Variants in FMN1 observed in about 807,000 individuals in gnomAD.
FMN1 encodes the protein formin 1.
FMN1 carries 110 observed loss-of-function variants against 132.4 expected under a neutral mutation model. The observed-to-expected ratio is 0.83, with a 90% CI of 0.71 to 0.97. The LOEUF (loss-of-function observed/expected upper bound fraction) is 0.97. Ranked by LOEUF, FMN1 falls within the 50% of genes least tolerant of loss-of-function variation. The pLI is 0.00. For missense variants in FMN1, 1,792 were observed against 1,705.3 expected, an observed-to-expected ratio of 1.05 and a Z score of -0.90; for synonymous variants, 722 against 651.7, an observed-to-expected ratio of 1.11 and a Z score of -1.64.
intron 7 of FMN1, among the ~76,000 whole-genome samples, chr15:32,983,358 A>G (rs1195760693): frequency 1.3e-5 from 2 of 152,242 alleles, no homozygotes; most frequent in East Asian, 3.8e-4. Context: ...GCCTGAGATC[A>G]GAAGAGGGGT....
In FMN1 at chr15:33,034,892, C is replaced by T. The variant is rs112556467; in HGVS notation, c.2162-26817G>A. Among the ~76,000 whole-genome samples, 1,460 of 152,246 alleles carry T rather than the reference C, an allele frequency of 9.6e-3. 25 individuals carry two copies. The highest frequency in any genetic ancestry group is 0.032 in the African/African-American group (1,322 of 41,538). Reference sequence around the variant, plus strand: ...AGGAAGATCACATCATGCCTCTGCTCAACATTCTCTAACAGCTCCCCATTT... The same window carrying T: ...AGGAAGATCACATCATGCCTCTGCTTAACATTCTCTAACAGCTCCCCATTT... On this transcript the variant is annotated intron_variant, in intron 6 of 20. Transcript: ENST00000616417.
chr15:33,019,251 T>C (rs1024320820), intron 6 of FMN1, among the ~76,000 whole-genome samples: 21 of 152,336 alleles, frequency 1.4e-4, no homozygotes, highest in East Asian at 1.9e-4. Flanking sequence ...ATTAGCTAGA[T>C]ACAGAGTGTC....
At chr15:32,994,228 TCTCTCACA>T (rs879500066) in intron 7 of FMN1, among the ~76,000 whole-genome samples, 420 of 33,794 alleles carry the variant, frequency 0.012, 2 homozygotes, top group Non-Finnish European at 0.03. Context: ...TCTCTCTCTC[TCTCTCACA>T]CACACACACA....
rs1250769412 is a variant in FMN1 at position 33,075,089 on chromosome 15, T to C, written c.2044-10015A>G. ...CTGGGCTCACACCATGCTCCACTCC[T>C]ACAAGAGACTTACCCTGGGGCAAGT... On this transcript the variant is annotated intron_variant, in intron 5 of 20. Coordinates refer to ENST00000616417, the MANE Select transcript of FMN1 (RefSeq NM_001277313.2). Among the ~76,000 whole-genome samples, 4 of 140,660 alleles carry C rather than the reference T, an allele frequency of 2.8e-5. No homozygotes were observed. The Admixed American group carries it at 2.9e-4, about 10-fold the overall frequency. The allele number at this position is 140,660 out of a possible 152,430, so 92.3% of individuals were successfully genotyped here.
chr15:32,989,361 GGGAATTA>G (rs1356242792), intron 7 of FMN1, among the ~76,000 whole-genome samples: 2 of 152,208 alleles, frequency 1.3e-5, no homozygotes, highest in African/African-American at 4.8e-5. Flanking sequence ...GGAAGCCTTA[GGGAATTA>G]GAGATGGTTT....
chr15:32,841,286 G>A (rs1013858437), intron 17 of FMN1, among the ~76,000 whole-genome samples: 3 of 152,148 alleles, frequency 2.0e-5, no homozygotes, highest in African/African-American at 4.8e-5. Context: ...TATGTAGTGT[G>A]TCCCTGGAGA....
At chr15:33,125,573 C>G (rs564419927) in intron 4 of FMN1, among the ~76,000 whole-genome samples, 2 of 152,166 alleles carry the variant, frequency 1.3e-5, no homozygotes, top group African/African-American at 4.8e-5. Flanking sequence ...GGCATGGTGT[C>G]TCACACCTGT....
At chr15:33,092,631 G>A (rs556378005) in intron 4 of FMN1, among the ~76,000 whole-genome samples, 4 of 152,282 alleles carry the variant, frequency 2.6e-5, no homozygotes, top group South Asian at 2.1e-4. Context: ...GCCAAGCTCA[G>A]TCAAACCCAG....
chr15:33,044,747 C>T (rs568122273), intron 6 of FMN1, among the ~76,000 whole-genome samples: 1 of 152,324 alleles, frequency 6.6e-6, no homozygotes, highest in East Asian at 1.9e-4. Context: ...CAAGGGTCTT[C>T]TCTCTGCTGA....
intron 7 of FMN1, among the ~76,000 whole-genome samples, chr15:32,996,561 G>A (rs1012098129): frequency 2.0e-5 from 3 of 152,114 alleles, no homozygotes; most frequent in Non-Finnish European, 4.4e-5. Context: ...GGGTAAGAGG[G>A]CCACCTCATA....
At chr15:33,110,370 A>G (rs775551714) in intron 4 of FMN1, among the ~76,000 whole-genome samples, 31 of 152,226 alleles carry the variant, frequency 2.0e-4, no homozygotes, top group Non-Finnish European at 3.8e-4. Flanking sequence ...TTATGTATCA[A>G]GTTCAGGAAA....
chr15:32,914,919 A>T (rs1005370057), intron 10 of FMN1, among the ~76,000 whole-genome samples: 1 of 152,240 alleles, frequency 6.6e-6, no homozygotes, highest in Non-Finnish European at 1.5e-5. Context: ...AGAGGAAAGG[A>T]CAGGTAAAAG....
chr15:32,878,818 T>C (rs2059696795), intron 16 of FMN1, among the ~76,000 whole-genome samples: 1 of 152,192 alleles, frequency 6.6e-6, no homozygotes, highest in African/African-American at 2.4e-5. Flanking sequence ...ATATTTTATG[T>C]TTCTTGTCAA....
chr15:32,955,554 G>A (rs562382982), intron 9 of FMN1, among the ~76,000 whole-genome samples: 137 of 152,250 alleles, frequency 9.0e-4, no homozygotes, highest in African/African-American at 3.1e-3. Flanking sequence ...CTCCAACCCC[G>A]TAACAGAATC....
intron 16 of FMN1, among the ~76,000 whole-genome samples, chr15:32,870,192 T>C (rs1472278100): frequency 6.6e-6 from 1 of 152,206 alleles, no homozygotes; most frequent in Non-Finnish European, 1.5e-5. Flanking sequence ...ATTCTTCCTT[T>C]AATTTTTCAA....
intron 7 of FMN1, among the ~76,000 whole-genome samples, chr15:32,993,555 A>G (rs2033573975): frequency 1.3e-5 from 2 of 151,704 alleles, no homozygotes; most frequent in Non-Finnish European, 1.5e-5. Context: ...CCAGTTAACA[A>G]GAGCTTTCTC....
chr15:33,041,688 T>C (rs887127245), intron 6 of FMN1, among the ~76,000 whole-genome samples: 8 of 151,656 alleles, frequency 5.3e-5, no homozygotes, highest in Non-Finnish European at 8.8e-5. Context: ...TTAAAACGGC[T>C]ATTAAAAAAA....
At chr15:32,821,547 G>C (rs2058218938) in intron 17 of FMN1, among the ~76,000 whole-genome samples, 2 of 148,800 alleles carry the variant, frequency 1.3e-5, no homozygotes, top group South Asian at 4.3e-4. Flanking sequence ...CTACCTCCCG[G>C]GTTCAAGCAA....
chr15:33,189,720 G>A (rs759689762), intron 2 of FMN1, among the ~76,000 whole-genome samples: 12 of 152,134 alleles, frequency 7.9e-5, no homozygotes, highest in Non-Finnish European at 1.6e-4. Flanking sequence ...TGTAGGAGAG[G>A]TACAGCATCA....
Sources: allele counts gnomAD v4.1 joint callset (sites outside exome capture counted in the v4.1 genomes callset), GRCh38; gene constraint gnomAD v4.1.1; transcripts MANE v1.5; gene names NCBI Gene and HGNC (gene_info 2026-07-23, HGNC 2026-07-21).